Variants in ZDHHC18 observed in about 807,000 individuals in gnomAD.
ZDHHC18 encodes zDHHC palmitoyltransferase 18.
ZDHHC18 carries 23 observed loss-of-function variants against 37.5 expected under a neutral mutation model. The ratio of observed to expected loss-of-function variants is 0.61; its 90% CI spans 0.44 to 0.87. ZDHHC18 has a LOEUF of 0.87. ZDHHC18 is among the 40% of genes least tolerant of loss of function. The pLI, the probability that ZDHHC18 is intolerant of heterozygous loss-of-function variation, is 0.00. For missense variants in ZDHHC18, 406 were observed against 525.6 expected (o/e 0.77, Z 2.22); for synonymous variants, 185 against 218.7 (o/e 0.85, Z 1.36).
Position 26,856,306 on chromosome 1 carries a change from TCACA to T in ZDHHC18, c.*2467_*2470del. 2.4e-6 allele frequency: 1 copy of T among 424,322 alleles called. No homozygotes were observed. The highest frequency in any genetic ancestry group is 5.0e-6 in the Non-Finnish European group (1 of 201,814). The allele number at this position is 424,322 out of a possible 1,614,324, so 26.3% of individuals were successfully genotyped here. A position where few individuals can be genotyped will look rare whatever the true frequency, so the allele number is the denominator to read the frequency against. On this transcript the variant is annotated 3_prime_UTR_variant, in exon 8 of 8. Coordinates refer to ENST00000374142, the MANE Select transcript of ZDHHC18 (RefSeq NM_032283.3). The surrounding 1 kb of genome is among the most constrained non-coding windows in gnomAD (Gnocchi z 5.2). ...TGTCGGCCAGCACTGCCCGCTCCCC[TCACA>T]CACCATCTCATCCTCATCGCATGCC...
At chr1:26,842,958 T>C (rs1337804132) in intron 2 of ZDHHC18, among the ~76,000 whole-genome samples, 1 of 152,074 alleles carries the variant, frequency 6.6e-6, no homozygotes, top group African/African-American at 2.4e-5. Flanking sequence ...CCCAGGAGAC[T>C]CAGACTTCTT....
chr1:26,844,973 T>A (rs543052346), intron 2 of ZDHHC18, among the ~76,000 whole-genome samples: 18 of 151,508 alleles, frequency 1.2e-4, no homozygotes, highest in Non-Finnish European at 2.4e-4. Context: ...CAGGCTAGAA[T>A]GCAGTGGCGC....
chr1:26,847,518 G>A (rs1042814653), intron 2 of ZDHHC18, among the ~76,000 whole-genome samples: 3 of 152,092 alleles, frequency 2.0e-5, no homozygotes, highest in Admixed American at 2.0e-4. Flanking sequence ...GGCCTGTTTC[G>A]TAGTTTTTAA....
intron 1 of ZDHHC18, among the ~76,000 whole-genome samples, chr1:26,827,515 C>G (rs1391091315): frequency 6.6e-6 from 1 of 151,910 alleles, no homozygotes; most frequent in Non-Finnish European, 1.5e-5. Context: ...GCTTCTTGAA[C>G]AGGCCCCTCC....
intron 2 of ZDHHC18, among the ~76,000 whole-genome samples, chr1:26,837,454 A>G (rs976999826): frequency 6.8e-6 from 1 of 146,148 alleles, no homozygotes; most frequent in Non-Finnish European, 1.5e-5. Context: ...TTAATATATT[A>G]TGTATATTAT....
At chr1:26,845,505 G>C (rs2081659569) in intron 2 of ZDHHC18, among the ~76,000 whole-genome samples, 1 of 149,788 alleles carries the variant, frequency 6.7e-6, no homozygotes, top group Non-Finnish European at 1.5e-5. Context: ...GCTAATTTTT[G>C]TATTTTTAGT....
At chr1:26,845,320 C>CTTT (rs71007896) in intron 2 of ZDHHC18, among the ~76,000 whole-genome samples, 1,309 of 45,286 alleles carry the variant, frequency 0.029, 241 homozygotes, top group Non-Finnish European at 0.036. Flanking sequence ...CTTCTTCATT[C>CTTT]TTTTTTTTTT....
chr1:26,851,057 T>C, intron 5 of ZDHHC18, 72 bp from the exon 6 acceptor site: 1 of 1,385,562 alleles, frequency 7.2e-7, no homozygotes, highest in Non-Finnish European at 1.0e-6. Flanking sequence ...CATGGAAGGA[T>C]AGGTGAGACA....
At chr1:26,842,311 C>T (rs2081643396) in intron 2 of ZDHHC18, among the ~76,000 whole-genome samples, 1 of 152,194 alleles carries the variant, frequency 6.6e-6, no homozygotes, top group Non-Finnish European at 1.5e-5. Flanking sequence ...CACTTGCTAA[C>T]CATTTGCTTT....
intron 6 of ZDHHC18, among the ~76,000 whole-genome samples, 185 bp downstream of exon 6, chr1:26,851,416 C>T (rs17162316): frequency 1.3e-5 from 2 of 152,124 alleles, no homozygotes; most frequent in African/African-American, 4.8e-5. Flanking sequence ...AGGCTTCTGA[C>T]ACCTCCACAT....
chr1:26,828,244 C>T, intron 1 of ZDHHC18, among the ~76,000 whole-genome samples: 1 of 149,156 alleles, frequency 6.7e-6, no homozygotes, highest in East Asian at 2.0e-4. Flanking sequence ...CCCCTCCCAA[C>T]TCCCCATCCT....
intron 2 of ZDHHC18, among the ~76,000 whole-genome samples, chr1:26,837,461 T>TTATG (rs1197804514): frequency 9.3e-6 from 1 of 107,352 alleles, no homozygotes; most frequent in Non-Finnish European, 2.2e-5. Context: ...ATTATGTATA[T>TTATG]TATTTATTTA....
chr1:26,850,456 G>T lies in ZDHHC18; in HGVS notation c.784+18G>T. The T allele has an allele frequency of 6.2e-7, 1 of 1,614,228 alleles. No individual in the cohort carries two copies. Among genetic ancestry groups the T allele is most frequent in the Non-Finnish European group, 8.5e-7 (1 of 1,180,028 alleles). The stretch of plus-strand genomic sequence containing the variant: ...GACGTTGCGTGAGTTGTGGGTGAGG[G>T]CAGTGGGGAGTGGAAGGGGTCAGCC... On this transcript the variant is annotated intron_variant, in intron 4 of 7. Transcript: ENST00000374142. This position sits in a 1 kb window ranked among gnomAD's most constrained non-coding sequence, Gnocchi z 6.1.
chr1:26,828,733 A>T (rs2081570673), intron 1 of ZDHHC18, among the ~76,000 whole-genome samples: 1 of 150,836 alleles, frequency 6.6e-6, no homozygotes, highest in Non-Finnish European at 1.5e-5. Context: ...TAAAAAGTTC[A>T]GGGATGATTT....
intron 2 of ZDHHC18, among the ~76,000 whole-genome samples, chr1:26,840,399 C>A (rs536162733): frequency 6.6e-6 from 1 of 152,336 alleles, no homozygotes; most frequent in South Asian, 2.1e-4. Flanking sequence ...GAATTCTCAC[C>A]TAATCCTTCC....
At position 26,856,267 on chromosome 1, in the gene ZDHHC18, G is replaced by A; in HGVS notation, c.*2424G>A. The A allele has an allele frequency of 2.3e-6, 1 of 441,662 alleles. No homozygotes were observed. Among genetic ancestry groups the A allele is most frequent in the South Asian group, 1.6e-5 (1 of 64,252 alleles). The allele number at this position is 441,662 out of a possible 1,614,324, so 27.4% of individuals were successfully genotyped here. On this transcript the variant is annotated 3_prime_UTR_variant, in exon 8 of 8. Transcript: ENST00000374142. This position sits in a 1 kb window ranked among gnomAD's most constrained non-coding sequence, Gnocchi z 5.2. ...CTCTTTGCAGAGGGTTAGCTGGTAA[G>A]ACCGTTTCTTCCCTGTCGGCCAGCA...
At chr1:26,827,894 G>GC (rs542820668) in intron 1 of ZDHHC18, among the ~76,000 whole-genome samples, 49 of 152,164 alleles carry the variant, frequency 3.2e-4, no homozygotes, top group African/African-American at 9.2e-4. Context: ...CAGGCCCCTG[G>GC]CCCCCCTGCT....
chr1:26,827,224 C>A (rs2081562316), intron 1 of ZDHHC18, 85 bp downstream of exon 1: 1 of 1,125,490 alleles, frequency 8.9e-7, no homozygotes, highest in African/African-American at 1.6e-5. Context: ...TCCGTGCCTT[C>A]CCCTTCGCCT....
intron 1 of ZDHHC18, among the ~76,000 whole-genome samples, chr1:26,828,340 C>A (rs577058903): frequency 5.3e-5 from 8 of 151,940 alleles, no homozygotes; most frequent in Admixed American, 5.3e-4. Flanking sequence ...CCACTAATTG[C>A]GTGACCTCAG....
Sources: allele counts gnomAD v4.1 joint callset (sites outside exome capture counted in the v4.1 genomes callset), GRCh38; gene constraint gnomAD v4.1.1; non-coding constraint Gnocchi (gnomAD v3.1); transcripts MANE v1.5; gene names NCBI Gene and HGNC (gene_info 2026-07-23, HGNC 2026-07-21).